NLGN1: variants seen among roughly 807,000 people sequenced by gnomAD.
NLGN1 encodes the protein neuroligin-1.
NLGN1 carries 12 observed loss-of-function variants against 65.5 expected under a neutral mutation model. That is an observed-to-expected ratio of 0.18 (90% confidence interval 0.12 to 0.30). The LOEUF is 0.30. Ranked by LOEUF, NLGN1 falls within the 10% of genes least tolerant of loss-of-function variation. NLGN1 has a pLI of 1.00. For missense variants in NLGN1, 750 were observed against 1,007.1 expected, an observed-to-expected ratio of 0.74 and a Z score of 3.46; for synonymous variants, 350 against 359.5, an observed-to-expected ratio of 0.97 and a Z score of 0.30.
intron 4 of NLGN1, among the ~76,000 whole-genome samples, chr3:173,884,017 A>G (rs2150943001): frequency 6.6e-6 from 1 of 151,754 alleles, no homozygotes; most frequent in African/African-American, 2.4e-5. Context: ...TTACCTTTGC[A>G]TTTAGGGTAG....
At chr3:173,925,009 T>C (rs1254650154) in intron 4 of NLGN1, among the ~76,000 whole-genome samples, 1 of 152,192 alleles carries the variant, frequency 6.6e-6, no homozygotes, top group African/African-American at 2.4e-5. Flanking sequence ...GGATATTTTC[T>C]TTGGCATCTT....
intron 4 of NLGN1, among the ~76,000 whole-genome samples, chr3:174,258,579 A>G (rs1370818531): frequency 6.6e-6 from 1 of 152,206 alleles, no homozygotes. Context: ...GGGCAAAGCA[A>G]CATCATGTGC....
At chr3:173,740,746 C>G (rs1398029425) in intron 3 of NLGN1, among the ~76,000 whole-genome samples, 3 of 151,992 alleles carry the variant, frequency 2.0e-5, no homozygotes, top group African/African-American at 7.2e-5. Context: ...GGCAAGGAAG[C>G]AATCATGTGT....
At chr3:173,670,273 TTTTTA>T (rs1263755784) in intron 3 of NLGN1, among the ~76,000 whole-genome samples, 3 of 152,210 alleles carry the variant, frequency 2.0e-5, no homozygotes, top group African/African-American at 7.2e-5. Flanking sequence ...ATTCTTTCCA[TTTTTA>T]TTTTAACTAT....
At chr3:174,062,621 G>T (rs1737660714) in intron 4 of NLGN1, among the ~76,000 whole-genome samples, 1 of 151,756 alleles carries the variant, frequency 6.6e-6, no homozygotes, top group Non-Finnish European at 1.5e-5. Flanking sequence ...AATCAGAATA[G>T]TGTATGTCAT....
chr3:173,430,270 T>C (rs1401691944), intron 1 of NLGN1, among the ~76,000 whole-genome samples: 1 of 152,150 alleles, frequency 6.6e-6, no homozygotes, highest in Admixed American at 6.6e-5. Flanking sequence ...CCTCAGTTTT[T>C]AGTTCTGGGA....
rs3979617 is a variant in NLGN1 at position 174,030,122 on chromosome 3, CTTT to C, written c.646+222308_646+222310del. Among the ~76,000 whole-genome samples the C allele has an allele frequency of 4.2e-3, 493 of 118,300 alleles. 1 individual carries two copies. The highest frequency in any genetic ancestry group is 0.015 in the African/African-American group (449 of 30,000). 77.6% of individuals were successfully genotyped at this position (118,300 alleles called of 152,430 possible). A position where few individuals can be genotyped will look rare whatever the true frequency, so the allele number is the denominator to read the frequency against. Reference sequence around the variant, plus strand: ...TCCTTATGACCACTCTTTAAGTTAGCTTTTTTTTTTTTTTTTTTTTGAGACAGA... The same window carrying C: ...TCCTTATGACCACTCTTTAAGTTAGCTTTTTTTTTTTTTTTTTGAGACAGA... On this transcript the variant is annotated intron_variant, in intron 4 of 6. Transcript: ENST00000457714.
intron 3 of NLGN1, among the ~76,000 whole-genome samples, chr3:173,660,148 T>G (rs1760716787): frequency 6.6e-6 from 1 of 151,884 alleles, no homozygotes; most frequent in Admixed American, 6.6e-5. Flanking sequence ...TATGTTCCAC[T>G]GTGTCAGCCC....
intron 4 of NLGN1, among the ~76,000 whole-genome samples, chr3:174,089,810 C>G (rs966488627): frequency 3.9e-5 from 6 of 151,980 alleles, no homozygotes; most frequent in African/African-American, 1.4e-4. Context: ...CTGATGGCAT[C>G]CAGAATTTCT....
At chr3:173,952,459 T>G (rs1470433299) in intron 4 of NLGN1, among the ~76,000 whole-genome samples, 1 of 152,200 alleles carries the variant, frequency 6.6e-6, no homozygotes, top group Non-Finnish European at 1.5e-5. Flanking sequence ...TCCTGGATTT[T>G]TCAGTTATAG....
intron 4 of NLGN1, among the ~76,000 whole-genome samples, chr3:173,924,209 A>C (rs1206602781): frequency 6.6e-6 from 1 of 152,138 alleles, no homozygotes; most frequent in Non-Finnish European, 1.5e-5. Context: ...AAAAACCTGA[A>C]AGAGATATAT....
intron 4 of NLGN1, among the ~76,000 whole-genome samples, chr3:173,926,221 C>T (rs1202914333): frequency 6.6e-6 from 1 of 151,958 alleles, no homozygotes. Flanking sequence ...AAGACTACCA[C>T]TCTTAACAAT....
intron 4 of NLGN1, among the ~76,000 whole-genome samples, chr3:174,016,788 C>T (rs1360324134): frequency 1.3e-5 from 2 of 152,056 alleles, no homozygotes. Context: ...GGGGAAATAC[C>T]TGAAGCCACA....
At chr3:174,067,982 G>A (rs796617802) in intron 4 of NLGN1, among the ~76,000 whole-genome samples, 1 of 152,128 alleles carries the variant, frequency 6.6e-6, no homozygotes, top group Admixed American at 6.6e-5. Context: ...CTGGCCTGAG[G>A]CAAACTGGGA....
intron 4 of NLGN1, among the ~76,000 whole-genome samples, chr3:173,886,771 C>A (rs1002196526): frequency 2.0e-5 from 3 of 152,040 alleles, no homozygotes; most frequent in Non-Finnish European, 4.4e-5. Flanking sequence ...GGCCTCCTGA[C>A]TCCATAGGAG....
intron 2 of NLGN1, among the ~76,000 whole-genome samples, chr3:173,496,314 C>G (rs747255792): frequency 3.3e-5 from 5 of 151,758 alleles, no homozygotes; most frequent in Non-Finnish European, 5.9e-5. Context: ...CTAGAATATT[C>G]TAGGATACTG....
At chr3:173,966,540 G>A (rs1018520579) in intron 4 of NLGN1, among the ~76,000 whole-genome samples, 1 of 152,056 alleles carries the variant, frequency 6.6e-6, no homozygotes, top group Non-Finnish European at 1.5e-5. Context: ...TGTAGATATC[G>A]GTTTAAGAAT....
intron 4 of NLGN1, among the ~76,000 whole-genome samples, chr3:173,876,383 T>C (rs1331315799): frequency 6.6e-6 from 1 of 152,170 alleles, no homozygotes; most frequent in Non-Finnish European, 1.5e-5. Context: ...TTAATTCTAA[T>C]TAATTAAAAT....
chr3:174,014,646 A>T (rs559452620), intron 4 of NLGN1, among the ~76,000 whole-genome samples: 1 of 152,274 alleles, frequency 6.6e-6, no homozygotes, highest in Non-Finnish European at 1.5e-5. Context: ...TCTTTCCTTG[A>T]TCTCAATGGC....
Sources: gnomAD v4.1 joint callset for allele counts (sites outside exome capture counted in the v4.1 genomes callset) on GRCh38, gnomAD v4.1.1 for gene constraint, MANE v1.5 for transcripts, NCBI Gene and HGNC (gene_info 2026-07-23, HGNC 2026-07-21) for gene names.